The following COL12A1 variants were observed in gnomAD, a reference collection of about 807,000 sequenced individuals.
COL12A1 encodes the protein collagen type XII alpha 1 chain, also known as collagen alpha-1(XII) chain.
A neutral mutation model predicts 349.7 loss-of-function variants in COL12A1; 114 were observed. The ratio of observed to expected loss-of-function variants is 0.33; its 90% CI spans 0.28 to 0.38. The LOEUF is 0.38. COL12A1 is among the 10% of genes least tolerant of loss of function. The pLI, the probability that COL12A1 is intolerant of heterozygous loss-of-function variation, is 1.00. For synonymous variants in COL12A1, 1,369 were observed against 1,329.0 expected (o/e 1.03, Z -0.66); for missense variants, 3,284 against 3,756.9 (o/e 0.87, Z 3.29).
At chr6:75,130,277 C>T (rs371875971) in intron 36 of COL12A1, 44 bp from the exon 37 acceptor site, 7 of 1,598,236 alleles carry the variant, frequency 4.4e-6, no homozygotes, top group Non-Finnish European at 6.0e-6. Context: ...TGCCTGTGAG[C>T]ATTACCTAAG....
chr6:75,175,970 C>T (rs187027849), intron 12 of COL12A1, among the ~76,000 whole-genome samples: 7 of 152,286 alleles, frequency 4.6e-5, no homozygotes, highest in African/African-American at 1.7e-4. Flanking sequence ...TGTCACTCTC[C>T]ACTGAGCATA....
At chr6:75,145,299 G>T in intron 25 of COL12A1, 27 bp downstream of exon 25, 1 of 1,551,118 alleles carries the variant, frequency 6.4e-7, no homozygotes, top group South Asian at 1.2e-5. Flanking sequence ...GCAATAAGAA[G>T]GGAAATAAAA....
Position 75,143,236 on chromosome 6 carries a change from A to C in COL12A1, c.4827+16T>G, listed in dbSNP as rs535965773. On this transcript the variant is annotated intron_variant, in intron 26 of 65. Coordinates refer to ENST00000322507, the MANE Select transcript of COL12A1 (RefSeq NM_004370.6). ...GAAAACAAATATTTTCATATCTACT[A>C]TCATCTTCAACCTACCTCTTTGACA... 8 of 1,613,188 alleles carry C rather than the reference A, an allele frequency of 5.0e-6. No individual in the cohort carries two copies. The African/African-American group carries it at 8.0e-5, about 16-fold the overall frequency.
At chr6:75,186,820 A>C (rs1018144194) in intron 8 of COL12A1, among the ~76,000 whole-genome samples, 4 of 152,172 alleles carry the variant, frequency 2.6e-5, no homozygotes, top group African/African-American at 9.7e-5. Flanking sequence ...CTTTGCAGGG[A>C]CAATGATAGA....
At chr6:75,099,328 A>G (rs1024549097) in intron 58 of COL12A1, among the ~76,000 whole-genome samples, 3 of 152,204 alleles carry the variant, frequency 2.0e-5, no homozygotes, top group African/African-American at 7.2e-5. Flanking sequence ...TGTAACACCA[A>G]TATCACTTCT....
At chr6:75,182,936 A>T (rs1769389636) in intron 10 of COL12A1, 114 bp downstream of exon 10, 1 of 1,284,372 alleles carries the variant, frequency 7.8e-7, no homozygotes, top group Non-Finnish European at 1.1e-6. Context: ...ATAACATAGG[A>T]AAGTTACTTT....
chr6:75,111,717 A>G (rs1468832241), intron 51 of COL12A1, among the ~76,000 whole-genome samples: 4 of 151,892 alleles, frequency 2.6e-5, no homozygotes, highest in Non-Finnish European at 5.9e-5. Context: ...CTAAAGTAGA[A>G]CTTGCTTTTC....
In COL12A1 at chr6:75,138,917, A is replaced by G. The variant is rs1399448873; in HGVS notation, c.5002T>C (p.Ser1668Pro). 1 of 1,614,090 alleles carries G rather than the reference A, an allele frequency of 6.2e-7. No homozygotes were observed. Among genetic ancestry groups the G allele is most frequent in the Admixed American group, 1.7e-5 (1 of 60,024 alleles). ...TCCCAAGTCCCTCTGAAACCCTCTG[A>G]TGTTACTTCAGTAATCTTTAAGTTT... Reference protein sequence around the residue: ...PTNLKITEVTSEGFRGTWDHG... With the variant: ...PTNLKITEVTPEGFRGTWDHG... The change falls in exon 28 of 66, where the codon TCA becomes CCA. Residue 1668 changes from serine (S) to proline (P), a missense_variant. Physicochemically the swap from Ser to Pro is moderately conservative, Grantham distance 74 (BLOSUM62 -1). Transcript: ENST00000322507.
chr6:75,107,429 C>A (rs1768624183), intron 52 of COL12A1, among the ~76,000 whole-genome samples: 1 of 151,986 alleles, frequency 6.6e-6, no homozygotes, highest in South Asian at 2.1e-4. Context: ...CACTACCACG[C>A]CCAGCTAATT....
chr6:75,163,766 C>T lies in COL12A1; in HGVS notation c.2983+1741G>A, dbSNP rs375416607. 3.3e-5 allele frequency among the ~76,000 whole-genome samples: 5 copies of T among 152,320 alleles called. No individual in the cohort carries two copies. The East Asian group carries it at 5.8e-4, about 18-fold the overall frequency. ...TGAAAATTTCTTAGATGCTCATCTT[C>T]TGAGATACAGAGATTTATTTAGTTT... On this transcript the variant is annotated intron_variant, in intron 14 of 65. Transcript: ENST00000322507.
intron 5 of COL12A1, among the ~76,000 whole-genome samples, chr6:75,190,602 C>G (rs939713155): frequency 2.6e-5 from 4 of 151,792 alleles, no homozygotes; most frequent in Non-Finnish European, 5.9e-5. Context: ...TGTTATCTTT[C>G]CTTCTCTCTA....
At chr6:75,101,478 T>A in intron 58 of COL12A1, 122 bp downstream of exon 58, 1 of 912,304 alleles carries the variant, frequency 1.1e-6, no homozygotes, top group Non-Finnish European at 1.7e-6. Context: ...GCTTTGCAGC[T>A]TTGCAGCTTT....
At chr6:75,202,618 A>G (rs547345078) in intron 2 of COL12A1, 102 bp downstream of exon 2, 1 of 1,150,836 alleles carries the variant, frequency 8.7e-7, no homozygotes, top group Admixed American at 2.3e-5. Flanking sequence ...GAAAGCACGA[A>G]GCGCAGGGAA....
intron 8 of COL12A1, among the ~76,000 whole-genome samples, chr6:75,187,313 A>G (rs957369269): frequency 2.6e-5 from 4 of 151,950 alleles, no homozygotes; most frequent in African/African-American, 2.4e-5. Flanking sequence ...TTAGTCCAGC[A>G]GAAGAGAGAA....
In COL12A1 at chr6:75,146,125, T is replaced by C. The variant is rs1367514850; in HGVS notation, c.4537A>G (p.Thr1513Ala). The part of the protein sequence containing the change: ...YILSYKPVKD[T>A]EPTRPKEVRL... ...ACCTCTTTGGGTCTTGTTGGCTCTG[T>C]GTCCTTAACAGGTTTGTATGACAAG... The change falls in exon 24 of 66, where the codon ACA becomes GCA. Residue 1513 changes from threonine (T) to alanine (A), a missense_variant. Transcript: ENST00000322507. 6.2e-7 allele frequency: 1 copy of C among 1,607,078 alleles called. No homozygotes were observed. The highest frequency in any genetic ancestry group is 1.3e-5 in the African/African-American group (1 of 74,666).
chr6:75,111,560 T>G (rs561834903), intron 51 of COL12A1, among the ~76,000 whole-genome samples: 57 of 151,998 alleles, frequency 3.8e-4, no homozygotes, highest in African/African-American at 1.1e-3. Context: ...CTCAATATCT[T>G]CAGTGGTTAT....
At chr6:75,205,019 C>G (rs1339133831) in intron 1 of COL12A1, among the ~76,000 whole-genome samples, 1 of 151,926 alleles carries the variant, frequency 6.6e-6, no homozygotes, top group African/African-American at 2.4e-5. Context: ...GTACCTGTTC[C>G]GCTCGCTGAA....
At chr6:75,149,793 G>A (rs942587697) in intron 21 of COL12A1, among the ~76,000 whole-genome samples, 21 of 151,966 alleles carry the variant, frequency 1.4e-4, no homozygotes, top group African/African-American at 4.8e-4. Flanking sequence ...CAATTTTACT[G>A]TCTGGGAAAC....
intron 14 of COL12A1, among the ~76,000 whole-genome samples, chr6:75,157,566 T>C (rs1047134903): frequency 1.2e-4 from 19 of 152,244 alleles, no homozygotes; most frequent in African/African-American, 4.6e-4. Context: ...GCCCAGCTAT[T>C]GCTTGGAATT....
Sources: allele counts gnomAD v4.1 joint callset (sites outside exome capture counted in the v4.1 genomes callset), GRCh38; gene constraint gnomAD v4.1.1; transcripts MANE v1.5; gene names NCBI Gene and HGNC (gene_info 2026-07-23, HGNC 2026-07-21).